The following SEMA5A variants were observed in gnomAD, a reference collection of about 807,000 sequenced individuals.
SEMA5A encodes semaphorin-5A.
In SEMA5A, 55 loss-of-function variants were observed where a neutral mutation model predicts 135.5. The ratio of observed to expected loss-of-function variants is 0.41; its 90% CI spans 0.33 to 0.51. The LOEUF (loss-of-function observed/expected upper bound fraction) is 0.51, where lower values mean the gene tolerates loss of function less well. Among genes scored for constraint, SEMA5A ranks in the 20% least tolerant of loss-of-function variants. The pLI is 0.37. For missense variants in SEMA5A, 1,290 were observed against 1,419.9 expected, an observed-to-expected ratio of 0.91 and a Z score of 1.47; for synonymous variants, 580 against 546.5, an observed-to-expected ratio of 1.06 and a Z score of -0.85.
At chr5:9,521,848 A>G (rs1013823218) in intron 1 of SEMA5A, among the ~76,000 whole-genome samples, 7 of 152,126 alleles carry the variant, frequency 4.6e-5, no homozygotes, top group Non-Finnish European at 1.0e-4. Flanking sequence ...TCTGACTCCA[A>G]GGAGGTGACC....
intron 17 of SEMA5A, among the ~76,000 whole-genome samples, chr5:9,065,478 G>A (rs950095516): frequency 1.1e-4 from 16 of 152,164 alleles, no homozygotes; most frequent in African/African-American, 3.9e-4. Flanking sequence ...TCCACTCTGG[G>A]TAAAAGACCC....
intron 16 of SEMA5A, among the ~76,000 whole-genome samples, chr5:9,084,459 T>C (rs1030754785): frequency 6.6e-6 from 1 of 152,186 alleles, no homozygotes; most frequent in African/African-American, 2.4e-5. Flanking sequence ...TGGGAGATAA[T>C]TGAATCATGA....
intron 1 of SEMA5A, among the ~76,000 whole-genome samples, chr5:9,446,051 T>G (rs899893244): frequency 6.6e-6 from 1 of 152,200 alleles, no homozygotes; most frequent in African/African-American, 2.4e-5. Context: ...AGCTCCGAGC[T>G]AAAGAAAAAT....
intron 4 of SEMA5A, among the ~76,000 whole-genome samples, chr5:9,318,799 C>CTTTA (rs1752500074): frequency 6.6e-6 from 1 of 152,136 alleles, no homozygotes; most frequent in Non-Finnish European, 1.5e-5. Flanking sequence ...TAATTATCAC[C>CTTTA]TAAATTCACC....
At chr5:9,213,613 C>T (rs1317955614) in intron 8 of SEMA5A, among the ~76,000 whole-genome samples, 5 of 152,178 alleles carry the variant, frequency 3.3e-5, no homozygotes, top group Non-Finnish European at 7.3e-5. Context: ...TGGGCCAAAT[C>T]CTACCTGCTG....
chr5:9,352,094 C>CAGG (rs1554023404), intron 3 of SEMA5A, among the ~76,000 whole-genome samples: 1 of 132,252 alleles, frequency 7.6e-6, no homozygotes, highest in African/African-American at 2.7e-5. Flanking sequence ...TGTAACAGGT[C>CAGG]GGGGGGGTTA....
chr5:9,194,885 C>T (rs1365686143), intron 10 of SEMA5A, among the ~76,000 whole-genome samples: 1 of 152,126 alleles, frequency 6.6e-6, no homozygotes, highest in East Asian at 1.9e-4. Context: ...ATGAGATTTG[C>T]TGTGTGCTGC....
chr5:9,144,925 A>G (rs1378253722), intron 12 of SEMA5A, among the ~76,000 whole-genome samples: 1 of 152,158 alleles, frequency 6.6e-6, no homozygotes, highest in African/African-American at 2.4e-5. Context: ...GCAGCAAATG[A>G]TTGGCTGGTC....
chr5:9,503,064 A>G (rs1228659589), intron 1 of SEMA5A, among the ~76,000 whole-genome samples: 4 of 152,216 alleles, frequency 2.6e-5, no homozygotes, highest in Non-Finnish European at 5.9e-5. Context: ...TAACTGGGAT[A>G]AAGCTGTCAG....
At chr5:9,110,981 T>C (rs1740209356) in intron 15 of SEMA5A, among the ~76,000 whole-genome samples, 1 of 152,146 alleles carries the variant, frequency 6.6e-6, no homozygotes, top group African/African-American at 2.4e-5. Context: ...ATGAAAAGAA[T>C]TTGATCTTAG....
At chr5:9,087,277 T>C (rs1395914537) in intron 16 of SEMA5A, among the ~76,000 whole-genome samples, 1 of 152,236 alleles carries the variant, frequency 6.6e-6, no homozygotes, top group African/African-American at 2.4e-5. Flanking sequence ...TTAAATCAAA[T>C]GTATAAGTTG....
intron 1 of SEMA5A, among the ~76,000 whole-genome samples, chr5:9,462,076 T>C (rs559872824): frequency 6.6e-6 from 1 of 152,268 alleles, no homozygotes; most frequent in African/African-American, 2.4e-5. Context: ...AAGACTTCAA[T>C]CCCAAGACTT....
chr5:9,224,686 T>C lies in SEMA5A; in HGVS notation c.634A>G (p.Lys212Glu). 1 of 1,614,156 alleles carries C rather than the reference T, an allele frequency of 6.2e-7. No homozygotes were observed. The highest frequency in any genetic ancestry group is 8.5e-7 in the Non-Finnish European group (1 of 1,179,992). Residue 212 changes from lysine (K) to glutamate (E), a missense_variant, in exon 8 of 23, where the codon AAA becomes GAA. Lys to Glu is a moderately conservative substitution (Grantham distance 56). Transcript: ENST00000382496. ...ACGGAAGGCTTACCATTGAGCCATTTGGAGTTGTACTGCGCCGTGCGGAGA... is the reference window on the plus strand; with the variant it reads ...ACGGAAGGCTTACCATTGAGCCATTCGGAGTTGTACTGCGCCGTGCGGAGA... The part of the protein sequence containing the change: ...PPLRTAQYNS[K>E]WLNEPNFVSS...
At chr5:9,409,185 T>G (rs1307376476) in intron 2 of SEMA5A, among the ~76,000 whole-genome samples, 3 of 152,194 alleles carry the variant, frequency 2.0e-5, no homozygotes, top group Non-Finnish European at 4.4e-5. Flanking sequence ...TACAGAAAGG[T>G]GCAGTTTCAT....
At chr5:9,388,690 A>G (rs569014704) in intron 2 of SEMA5A, among the ~76,000 whole-genome samples, 37 of 152,104 alleles carry the variant, frequency 2.4e-4, no homozygotes, top group African/African-American at 5.5e-4. Context: ...ATGAGGTCAG[A>G]AGATCAAGAC....
chr5:9,147,724 C>CAAAAAAA (rs59966819), intron 12 of SEMA5A, among the ~76,000 whole-genome samples: 2 of 102,486 alleles, frequency 2.0e-5, no homozygotes, highest in Admixed American at 1.1e-4. Flanking sequence ...TAAAACAAAC[C>CAAAAAAA]AAAAAAAAAA....
chr5:9,187,121 G>T (rs561623562), intron 11 of SEMA5A, among the ~76,000 whole-genome samples: 1 of 150,058 alleles, frequency 6.7e-6, no homozygotes, highest in South Asian at 2.1e-4. Context: ...CTGCTTGTTG[G>T]GGGTTATTTG....
At chr5:9,139,317 T>C (rs1322172689) in intron 12 of SEMA5A, among the ~76,000 whole-genome samples, 2 of 152,246 alleles carry the variant, frequency 1.3e-5, no homozygotes, top group Non-Finnish European at 2.9e-5. Flanking sequence ...ATTTTATTCA[T>C]GTAGTTATAG....
intron 11 of SEMA5A, among the ~76,000 whole-genome samples, chr5:9,176,682 C>T (rs1339732019): frequency 6.6e-6 from 1 of 152,164 alleles, no homozygotes; most frequent in Non-Finnish European, 1.5e-5. Flanking sequence ...AAAAAAGGGG[C>T]CCCAGTTCTG....
Sources: gnomAD v4.1 joint callset for allele counts (sites outside exome capture counted in the v4.1 genomes callset) on GRCh38, gnomAD v4.1.1 for gene constraint, MANE v1.5 for transcripts, NCBI Gene and HGNC (gene_info 2026-07-23, HGNC 2026-07-21) for gene names.